The following FEZ2 variants were observed in gnomAD, a reference collection of about 807,000 sequenced individuals.
FEZ2 encodes the protein fasciculation and elongation protein zeta 2.
Under a neutral mutation model 40.4 loss-of-function variants are expected in FEZ2, and 51 were observed. The ratio of observed to expected loss-of-function variants is 1.26; its 90% CI spans 1.01 to 1.59. The LOEUF is 1.59. FEZ2 is among the 40% of genes most tolerant of loss of function. The pLI, the probability that FEZ2 is intolerant of heterozygous loss-of-function variation, is 0.00. For synonymous variants in FEZ2, 242 were observed against 172.0 expected (o/e 1.41, Z -3.18); for missense variants, 640 against 438.3 (o/e 1.46, Z -4.11).
chr2:36,564,696 T>C (rs1488886997), intron 5 of FEZ2, among the ~76,000 whole-genome samples: 1 of 151,052 alleles, frequency 6.6e-6, no homozygotes, highest in Non-Finnish European at 1.5e-5. Flanking sequence ...CCATCCTAGA[T>C]GAGCCACAAA....
intron 5 of FEZ2, among the ~76,000 whole-genome samples, chr2:36,574,888 G>C (rs947821677): frequency 5.9e-5 from 9 of 152,162 alleles, no homozygotes; most frequent in African/African-American, 2.2e-4. Flanking sequence ...ACTCTCTTGA[G>C]TTGCACTTCC....
At chr2:36,577,806 G>T (rs973310431) in intron 5 of FEZ2, among the ~76,000 whole-genome samples, 1 of 152,096 alleles carries the variant, frequency 6.6e-6, no homozygotes, top group Non-Finnish European at 1.5e-5. Context: ...TCATATTATT[G>T]CAAGCCATAA....
intron 2 of FEZ2, 130 bp from the exon 3 acceptor site, chr2:36,583,599 C>T (rs1668820389): frequency 1.6e-6 from 1 of 617,806 alleles, no homozygotes; most frequent in Non-Finnish European, 2.9e-6. Flanking sequence ...GAAATTATTA[C>T]AATCACTCTG....
In FEZ2 at chr2:36,552,985, A is replaced by G. The variant is rs1009429725; in HGVS notation, c.*178T>C. 5.9e-5 allele frequency: 32 copies of G among 541,822 alleles called. No individual in the cohort carries two copies. Among genetic ancestry groups the G allele is most frequent in the African/African-American group, 3.7e-4 (19 of 51,908 alleles). 33.6% of individuals were successfully genotyped at this position (541,822 alleles called of 1,614,324 possible). On this transcript the variant is annotated 3_prime_UTR_variant, in exon 8 of 8. Transcript: ENST00000405912. ...ATCTCTAGAATTCAAAATAGTGCCC[A>G]TATTTCCGTTGGTTCTATAATATAA...
intron 5 of FEZ2, among the ~76,000 whole-genome samples, chr2:36,573,533 C>A (rs1668479333): frequency 1.3e-5 from 2 of 152,240 alleles, no homozygotes; most frequent in South Asian, 4.1e-4. Flanking sequence ...ATTCAATCTC[C>A]TGTACACTGA....
At chr2:36,572,899 A>T (rs1466872599) in intron 5 of FEZ2, among the ~76,000 whole-genome samples, 1 of 152,142 alleles carries the variant, frequency 6.6e-6, no homozygotes, top group African/African-American at 2.4e-5. Flanking sequence ...AGTGTATATC[A>T]TCTAAGCCCT....
chr2:36,572,002 G>T (rs1489420279), intron 5 of FEZ2, among the ~76,000 whole-genome samples: 1 of 129,904 alleles, frequency 7.7e-6, no homozygotes. Context: ...GCGGCTGAGT[G>T]AGACTCCGTC....
At chr2:36,554,182 G>A (rs776147962) in intron 7 of FEZ2, 1 of 471,100 alleles carries the variant, frequency 2.1e-6, no homozygotes, top group Non-Finnish European at 4.4e-6. Context: ...ACAGGAGCCA[G>A]CGGCCCGAGC....
At position 36,565,414 on chromosome 2, in the gene FEZ2, C is replaced by G. The variant is rs568736580; in HGVS notation, c.904-6901G>C. Reference sequence around the variant, plus strand: ...AATGTCGTACGACGCCATCCATTTTCCAGCTTCCACTGTGCAATTTCCATA... The same window carrying G: ...AATGTCGTACGACGCCATCCATTTTGCAGCTTCCACTGTGCAATTTCCATA... On this transcript the variant is annotated intron_variant, in intron 5 of 7. Transcript: ENST00000405912. Among the ~76,000 whole-genome samples the G allele has an allele frequency of 3.3e-5, 5 of 152,302 alleles. No homozygotes were observed. The East Asian group carries it at 9.6e-4, about 29-fold the overall frequency.
At chr2:36,584,629 G>C (rs911184837) in intron 2 of FEZ2, among the ~76,000 whole-genome samples, 1 of 152,156 alleles carries the variant, frequency 6.6e-6, no homozygotes, top group South Asian at 2.1e-4. Context: ...GGGCAACAAG[G>C]ATTACGTAAG....
At chr2:36,557,373 T>G (rs918964887) in intron 6 of FEZ2, 2 of 152,196 alleles carry the variant, frequency 1.3e-5, no homozygotes, top group African/African-American at 4.8e-5. Context: ...TATAAAATTT[T>G]TAAAGAATTA....
At chr2:36,571,157 G>T (rs546236611) in intron 5 of FEZ2, among the ~76,000 whole-genome samples, 21 of 152,170 alleles carry the variant, frequency 1.4e-4, no homozygotes, top group Non-Finnish European at 2.4e-4. Flanking sequence ...AAACAAATTT[G>T]TTCCACATCT....
chr2:36,568,177 G>A (rs1388499333), intron 5 of FEZ2, among the ~76,000 whole-genome samples: 2 of 152,028 alleles, frequency 1.3e-5, no homozygotes, highest in Admixed American at 6.6e-5. Context: ...AGAGACAGAA[G>A]GGGTAGGGGA....
chr2:36,571,468 C>G (rs1415779302), intron 5 of FEZ2, among the ~76,000 whole-genome samples: 1 of 151,838 alleles, frequency 6.6e-6, no homozygotes, highest in East Asian at 1.9e-4. Context: ...CAAGACCATC[C>G]TGGCCAACTT....
intron 2 of FEZ2, among the ~76,000 whole-genome samples, chr2:36,585,123 A>G (rs568508975): frequency 2.0e-5 from 3 of 152,352 alleles, no homozygotes; most frequent in African/African-American, 7.2e-5. Flanking sequence ...AATCACATTA[A>G]AAGGATCAGG....
chr2:36,560,145 CATG>C (rs1668054687), intron 5 of FEZ2, among the ~76,000 whole-genome samples: 1 of 152,160 alleles, frequency 6.6e-6, no homozygotes, highest in Admixed American at 6.5e-5. Flanking sequence ...TTCCCATGTT[CATG>C]ATATTCCTTC....
chr2:36,582,610 G>A (rs999276912), intron 3 of FEZ2, among the ~76,000 whole-genome samples: 3 of 152,132 alleles, frequency 2.0e-5, no homozygotes, highest in African/African-American at 7.2e-5. Context: ...CCCACGCCTA[G>A]AACAATTCAA....
intron 3 of FEZ2, among the ~76,000 whole-genome samples, chr2:36,582,718 C>T (rs1185354858): frequency 1.3e-5 from 2 of 152,194 alleles, no homozygotes; most frequent in African/African-American, 2.4e-5. Context: ...CCTTACTGAT[C>T]TCATCTTTCC....
chr2:36,576,859 A>C (rs1239780669), intron 5 of FEZ2, among the ~76,000 whole-genome samples: 1 of 152,228 alleles, frequency 6.6e-6, no homozygotes, highest in Non-Finnish European at 1.5e-5. Context: ...TTACAAAACG[A>C]AGCCTTTAAA....
Sources: allele counts gnomAD v4.1 joint callset (sites outside exome capture counted in the v4.1 genomes callset), GRCh38; gene constraint gnomAD v4.1.1; transcripts MANE v1.5; gene names NCBI Gene and HGNC (gene_info 2026-07-23, HGNC 2026-07-21).